The following LSAMP variants were observed in gnomAD, a reference collection of about 807,000 sequenced individuals.
LSAMP encodes the protein limbic system-associated membrane protein.
A neutral mutation model predicts 38.6 loss-of-function variants in LSAMP; 7 were observed. The observed-to-expected ratio is 0.18, with a 90% CI of 0.10 to 0.34. The LOEUF (loss-of-function observed/expected upper bound fraction) is 0.34, where lower values mean the gene tolerates loss of function less well. Among genes scored for constraint, LSAMP ranks in the 10% least tolerant of loss-of-function variants. The pLI, the probability that LSAMP is intolerant of heterozygous loss-of-function variation, is 1.00. For missense variants in LSAMP, 313 were observed against 420.0 expected, an observed-to-expected ratio of 0.75 and a Z score of 2.23; for synonymous variants, 154 against 166.8, an observed-to-expected ratio of 0.92 and a Z score of 0.59.
chr3:115,846,429 A>G (rs1935161284), intron 4 of LSAMP, among the ~76,000 whole-genome samples: 1 of 152,242 alleles, frequency 6.6e-6, no homozygotes, highest in African/African-American at 2.4e-5. Flanking sequence ...TCTTACTAAT[A>G]TTGGGAATAT....
At chr3:115,862,014 A>T (rs1048585373) in intron 3 of LSAMP, among the ~76,000 whole-genome samples, 1 of 152,244 alleles carries the variant, frequency 6.6e-6, no homozygotes, top group Non-Finnish European at 1.5e-5. Flanking sequence ...TATACTTAAA[A>T]GAGTCCTTTG....
intron 1 of LSAMP, among the ~76,000 whole-genome samples, chr3:116,253,748 G>C (rs893888631): frequency 2.0e-5 from 3 of 152,074 alleles, no homozygotes; most frequent in African/African-American, 7.2e-5. Flanking sequence ...AAATAAATCC[G>C]ACAAAGTTTA....
chr3:115,883,726 G>C (rs1208482727), intron 3 of LSAMP, among the ~76,000 whole-genome samples: 1 of 151,982 alleles, frequency 6.6e-6, no homozygotes, highest in Admixed American at 6.6e-5. Flanking sequence ...ATGCATTACT[G>C]TAGATGTATT....
intron 1 of LSAMP, among the ~76,000 whole-genome samples, chr3:116,374,443 T>TAATA (rs2048469261): frequency 6.6e-6 from 1 of 151,902 alleles, no homozygotes; most frequent in African/African-American, 2.4e-5. Context: ...TTAATAAGCT[T>TAATA]AATAAGTATT....
intron 6 of LSAMP, among the ~76,000 whole-genome samples, chr3:115,821,379 T>A (rs921604949): frequency 6.6e-6 from 1 of 152,338 alleles, no homozygotes; most frequent in Admixed American, 6.5e-5. Context: ...CAGTCTTGAC[T>A]TTTGACAACT....
chr3:116,232,451 C>A (rs887113400), intron 1 of LSAMP, among the ~76,000 whole-genome samples: 1 of 152,116 alleles, frequency 6.6e-6, no homozygotes, highest in Non-Finnish European at 1.5e-5. Context: ...TTGTAAAAGT[C>A]CCATCAACCT....
chr3:115,851,257 A>G (rs1935322442), intron 4 of LSAMP, among the ~76,000 whole-genome samples: 1 of 152,194 alleles, frequency 6.6e-6, no homozygotes, highest in Non-Finnish European at 1.5e-5. Context: ...TACAGGGGTG[A>G]GCCACCATAC....
chr3:116,091,561 A>G (rs2091669), intron 1 of LSAMP, among the ~76,000 whole-genome samples: 22,630 of 152,208 alleles, frequency 0.15, 1,780 homozygotes, highest in Non-Finnish European at 0.17. Context: ...TGGGGAACTA[A>G]TAAATGTCCA....
chr3:116,377,145 TG>T (rs370314202), intron 1 of LSAMP, among the ~76,000 whole-genome samples: 2 of 152,138 alleles, frequency 1.3e-5, no homozygotes, highest in East Asian at 3.9e-4. Context: ...ATGCGTGCCA[TG>T]GTGGTTTGCT....
chr3:116,402,204 G>A (rs2048849297), intron 1 of LSAMP, among the ~76,000 whole-genome samples: 1 of 152,132 alleles, frequency 6.6e-6, no homozygotes, highest in Non-Finnish European at 1.5e-5. Context: ...TAGGGCTAAA[G>A]ACCAATTTAG....
intron 1 of LSAMP, among the ~76,000 whole-genome samples, chr3:116,343,154 G>A (rs2048019677): frequency 6.6e-6 from 1 of 152,038 alleles, no homozygotes; most frequent in African/African-American, 2.4e-5. Context: ...TCCCTGGAGT[G>A]GAAAGAAAAT....
intron 3 of LSAMP, among the ~76,000 whole-genome samples, chr3:115,977,741 A>G (rs988420436): frequency 3.3e-5 from 5 of 152,048 alleles, no homozygotes; most frequent in Non-Finnish European, 5.9e-5. Flanking sequence ...AAAAAAAAAA[A>G]AAAAAAATCT....
chr3:116,157,510 T>A (rs1709781260), intron 1 of LSAMP, among the ~76,000 whole-genome samples: 2 of 152,078 alleles, frequency 1.3e-5, no homozygotes, highest in Admixed American at 1.3e-4. Context: ...GAGAATTACA[T>A]TATGACTCCA....
rs1933692197 is a variant in LSAMP at position 115,808,261 on chromosome 3, C to T, written c.*2056G>A. The T allele has an allele frequency of 6.6e-6, 1 of 150,836 alleles. No homozygotes were observed. The highest frequency in any genetic ancestry group is 6.6e-5 in the Admixed American group (1 of 15,116). 9.3% of individuals were successfully genotyped at this position (150,836 alleles called of 1,614,324 possible). On this transcript the variant is annotated 3_prime_UTR_variant, in exon 7 of 7. Transcript: ENST00000490035. Reference sequence around the variant, plus strand: ...TTTTATAACATGGAACAGCTATTTACAAGGTTCCAACTTAATGACATACCA... The same window carrying T: ...TTTTATAACATGGAACAGCTATTTATAAGGTTCCAACTTAATGACATACCA...
intron 3 of LSAMP, among the ~76,000 whole-genome samples, chr3:116,003,243 C>T (rs947340606): frequency 6.6e-6 from 1 of 152,170 alleles, no homozygotes. Context: ...GTAGGTTAGC[C>T]TACTTCCTAA....
intron 3 of LSAMP, among the ~76,000 whole-genome samples, chr3:115,993,263 G>T (rs935763544): frequency 2.0e-5 from 3 of 152,034 alleles, no homozygotes; most frequent in African/African-American, 7.2e-5. Flanking sequence ...TCTGAGCTCA[G>T]TGCCACTGTA....
chr3:116,163,672 A>C lies in LSAMP; in HGVS notation c.156-77116T>G, dbSNP rs563926067. 2.0e-5 allele frequency among the ~76,000 whole-genome samples: 3 copies of C among 152,202 alleles called. No homozygotes were observed. In the East Asian group the frequency reaches 5.8e-4, roughly 29 times the overall value. ...GCCACACTGAATTCCACGATGGTTG[A>C]ACTAGTTTATAGTCCCACCAACAGT... On this transcript the variant is annotated intron_variant, in intron 1 of 6. Coordinates refer to ENST00000490035, the MANE Select transcript of LSAMP (RefSeq NM_002338.5).
At chr3:116,142,065 T>A (rs868189825) in intron 1 of LSAMP, among the ~76,000 whole-genome samples, 4 of 152,004 alleles carry the variant, frequency 2.6e-5, no homozygotes, top group African/African-American at 9.7e-5. Context: ...ACGAGTATAG[T>A]ATAGCGGTAG....
rs1400620022 is a variant in LSAMP, at chr3:115,938,675, C to T, written c.514+80840G>A. On this transcript the variant is annotated intron_variant, in intron 3 of 6. Coordinates refer to ENST00000490035, the MANE Select transcript of LSAMP (RefSeq NM_002338.5). ...TAAAATTCAGGTACGAAAGAAGATG[C>T]ATAATGCACACAAATTAAACAAAAT... Among the ~76,000 whole-genome samples the T allele has an allele frequency of 3.9e-5, 6 of 152,180 alleles. No individual in the cohort carries two copies. In the East Asian group the frequency reaches 9.7e-4, roughly 24 times the overall value.
Sources: gnomAD v4.1 joint callset for allele counts (sites outside exome capture counted in the v4.1 genomes callset) on GRCh38, gnomAD v4.1.1 for gene constraint, MANE v1.5 for transcripts, NCBI Gene and HGNC (gene_info 2026-07-23, HGNC 2026-07-21) for gene names.